The following ZC3H12B variants were observed in gnomAD, a reference collection of about 807,000 sequenced individuals.
ZC3H12B encodes probable ribonuclease ZC3H12B.
A neutral mutation model predicts 43.9 loss-of-function variants in ZC3H12B; 7 were observed. The observed-to-expected ratio is 0.16, with a 90% confidence interval of 0.09 to 0.30. The LOEUF (loss-of-function observed/expected upper bound fraction) is 0.30, where lower values mean the gene tolerates loss of function less well. ZC3H12B is among the 10% of genes least tolerant of loss of function. ZC3H12B has a pLI of 1.00. For synonymous variants in ZC3H12B, 222 were observed against 241.7 expected (o/e 0.92, Z 0.76); for missense variants, 475 against 670.2 (o/e 0.71, Z 3.22).
At chrX:65,111,691 A>T in the ZC3H12B span, among the ~76,000 whole-genome samples, 1 of 110,035 alleles carries the variant, frequency 9.1e-6, no homozygotes, top group Non-Finnish European at 1.9e-5. Flanking sequence ...CATTATATCT[A>T]TTATGGTGAT....
upstream of ZC3H12B, among the ~76,000 whole-genome samples, chrX:65,364,144 G>T (rs1051747075): frequency 4.5e-5 from 5 of 111,034 alleles, no homozygotes; most frequent in Admixed American, 4.8e-4. Flanking sequence ...GGCAGGCTAT[G>T]TTATAGTATA....
the ZC3H12B span, among the ~76,000 whole-genome samples, chrX:65,057,164 G>A: frequency 8.9e-6 from 1 of 111,947 alleles, no homozygotes; most frequent in African/African-American, 3.3e-5. Flanking sequence ...AGTTGATGCA[G>A]TTTCTTCCTA....
At chrX:65,458,067 AAAAAAAAAAAAAAAAATT>A (rs1320086014) in intron 3 of ZC3H12B, among the ~76,000 whole-genome samples, 18 of 87,993 alleles carry the variant, frequency 2.0e-4, no homozygotes, top group Middle Eastern at 5.0e-3. Context: ...ATCAATAAAA[AAAAAAAAAAAAAAAAATT>A]AAAAAAAAAA....
the ZC3H12B span, among the ~76,000 whole-genome samples, chrX:65,217,600 T>C: frequency 3.6e-5 from 4 of 112,043 alleles, no homozygotes; most frequent in African/African-American, 1.3e-4. Flanking sequence ...TCAGATAAAT[T>C]TAACAAAGAT....
chrX:65,483,966 TA>T (rs768981361), upstream of ZC3H12B, among the ~76,000 whole-genome samples: 222 of 112,064 alleles, frequency 2.0e-3, no homozygotes, highest in Middle Eastern at 0.023. Flanking sequence ...TATTCCATGG[TA>T]TATATGTACC....
the ZC3H12B span, among the ~76,000 whole-genome samples, chrX:65,078,779 A>C: frequency 0.11 from 12,255 of 111,285 alleles, 1,654 homozygotes; most frequent in African/African-American, 0.37. Context: ...AATGGGGTAC[A>C]TGAGATATTT....
At chrX:65,422,194 T>TG (rs1458670957) in intron 3 of ZC3H12B, among the ~76,000 whole-genome samples, 2 of 111,601 alleles carry the variant, frequency 1.8e-5, no homozygotes, top group South Asian at 7.5e-4. Context: ...CCAGGATTCA[T>TG]GGATCCAAGT....
the ZC3H12B span, among the ~76,000 whole-genome samples, chrX:65,236,393 G>A: frequency 1.8e-5 from 2 of 111,418 alleles, no homozygotes; most frequent in Non-Finnish European, 3.8e-5. Context: ...CTTTTAAATG[G>A]GGTTGTTTTT....
At chrX:65,452,471 C>T (rs924134958) in intron 3 of ZC3H12B, among the ~76,000 whole-genome samples, 1 of 109,332 alleles carries the variant, frequency 9.1e-6, no homozygotes, top group Non-Finnish European at 1.9e-5. Context: ...ATATACCTAA[C>T]CAAAGAGGTG....
chrX:65,190,618 A>G, the ZC3H12B span, among the ~76,000 whole-genome samples: 80 of 106,971 alleles, frequency 7.5e-4, no homozygotes, highest in African/African-American at 2.7e-3. Flanking sequence ...TTGGTGTATA[A>G]GAATGCTTGT....
At chrX:65,219,786 C>G in the ZC3H12B span, among the ~76,000 whole-genome samples, 1 of 100,627 alleles carries the variant, frequency 9.9e-6, no homozygotes, top group Non-Finnish European at 2.0e-5. Context: ...CATCCAAATA[C>G]AAGAAGCATA....
At chrX:65,206,475 C>T in the ZC3H12B span, among the ~76,000 whole-genome samples, 11 of 111,579 alleles carry the variant, frequency 9.9e-5, no homozygotes, top group East Asian at 2.5e-3. Flanking sequence ...AAGAATGAAA[C>T]GGATCCTCAT....
the ZC3H12B span, among the ~76,000 whole-genome samples, chrX:65,213,949 A>G: frequency 1.8e-5 from 2 of 110,657 alleles, no homozygotes; most frequent in Admixed American, 2.0e-4. Context: ...ACACACATAT[A>G]TAACAAGTCA....
At chrX:65,330,035 C>A in the ZC3H12B span, among the ~76,000 whole-genome samples, 1 of 111,695 alleles carries the variant, frequency 9.0e-6, no homozygotes, top group African/African-American at 3.3e-5. Flanking sequence ...AATGCGGGCT[C>A]TTTTTTGGTT....
At chrX:65,363,549 C>G (rs923872855), upstream of ZC3H12B, among the ~76,000 whole-genome samples, 6 of 111,814 alleles carry the variant, frequency 5.4e-5, no homozygotes, top group African/African-American at 1.6e-4. Flanking sequence ...CCTTTCCCCA[C>G]TCCTGTTTCC....
chrX:65,418,366 A>G (rs984740758), intron 3 of ZC3H12B, among the ~76,000 whole-genome samples: 3 of 111,944 alleles, frequency 2.7e-5, no homozygotes, highest in African/African-American at 9.7e-5. Flanking sequence ...TTTAAATACA[A>G]AAATCTATTG....
chrX:65,212,201 T>TTATAATA, the ZC3H12B span, among the ~76,000 whole-genome samples: 1 of 13,718 alleles, frequency 7.3e-5, no homozygotes, highest in Non-Finnish European at 1.8e-4. Context: ...TATAATATAA[T>TTATAATA]TATTATATAA....
the ZC3H12B span, among the ~76,000 whole-genome samples, chrX:65,055,154 G>A: frequency 9.0e-6 from 1 of 111,371 alleles, no homozygotes; most frequent in Non-Finnish European, 1.9e-5. Flanking sequence ...GGGCATCCCT[G>A]TCTTGTGCCA....
chrX:65,145,095 GCTGT>G, the ZC3H12B span, among the ~76,000 whole-genome samples: 1 of 111,179 alleles, frequency 9.0e-6, no homozygotes, highest in Non-Finnish European at 1.9e-5. Flanking sequence ...TTATTATGTT[GCTGT>G]CTAATTTCTT....
Sources: allele counts gnomAD v4.1 joint callset (sites outside exome capture counted in the v4.1 genomes callset), GRCh38; gene constraint gnomAD v4.1.1; transcripts MANE v1.5; gene names NCBI Gene and HGNC (gene_info 2026-07-23, HGNC 2026-07-21).